Variants in COL4A3 observed in about 807,000 individuals in gnomAD.
COL4A3 encodes the protein collagen type IV alpha 3 chain, also known as collagen alpha-3(IV) chain.
Under a neutral mutation model 217.4 loss-of-function variants are expected in COL4A3, and 135 were observed. The ratio of observed to expected loss-of-function variants is 0.62; its 90% confidence interval spans 0.54 to 0.72. The LOEUF (loss-of-function observed/expected upper bound fraction) is 0.72. Ranked by LOEUF, COL4A3 falls within the 30% of genes least tolerant of loss-of-function variation. The pLI is 0.00. For synonymous variants in COL4A3, 690 were observed against 736.3 expected (o/e 0.94, Z 1.02); for missense variants, 1,868 against 2,119.9 (o/e 0.88, Z 2.33).
chr2:227,222,154 AATAATAATAATGATAATG>A lies in COL4A3; in HGVS notation c.88-15806_88-15789del, dbSNP rs1436951894. The stretch of plus-strand genomic sequence containing the variant: ...TAATAATAATAATAATAATAATAAT[AATAATAATAATGATAATG>A]ATAATAAAAAGCTCCTTAAGCACCC... On this transcript the variant is annotated intron_variant, in intron 1 of 51. Transcript: ENST00000396578. Among the ~76,000 whole-genome samples, 214 of 95,342 alleles carry A rather than the reference AATAATAATAATGATAATG, an allele frequency of 2.2e-3. 3 individuals are homozygous for A. The highest frequency in any genetic ancestry group is 7.1e-3 in the South Asian group (15 of 2,104). The allele number at this position is 95,342 out of a possible 152,430, so 62.5% of individuals were successfully genotyped here. A position where few individuals can be genotyped will look rare whatever the true frequency, so the allele number is the denominator to read the frequency against.
intron 47 of COL4A3, 39 bp from the exon 48 acceptor site, chr2:227,307,671 T>G (rs1477777538): frequency 6.5e-7 from 1 of 1,548,470 alleles, no homozygotes; most frequent in Non-Finnish European, 8.9e-7. Flanking sequence ...GTTTAAGATT[T>G]TTGTGTATGT....
At chr2:227,230,092 A>G (rs540163507) in intron 1 of COL4A3, among the ~76,000 whole-genome samples, 11 of 151,818 alleles carry the variant, frequency 7.2e-5, no homozygotes, top group African/African-American at 2.7e-4. Context: ...TCCAGTTTGT[A>G]GCTACAATGC....
intron 1 of COL4A3, among the ~76,000 whole-genome samples, chr2:227,169,497 A>C (rs1418641012): frequency 8.3e-4 from 125 of 151,470 alleles, no homozygotes; most frequent in African/African-American, 3.0e-3. Context: ...ACTAGTTTAC[A>C]GTCCCACCAA....
chr2:227,239,259 A>G (rs897468793), intron 2 of COL4A3, among the ~76,000 whole-genome samples: 1 of 152,184 alleles, frequency 6.6e-6, no homozygotes, highest in Non-Finnish European at 1.5e-5. Context: ...AAAATGCAGT[A>G]TAACAACCAT....
intron 1 of COL4A3, chr2:227,221,323 G>A (rs1009181569): frequency 5.3e-5 from 8 of 151,884 alleles, no homozygotes; most frequent in African/African-American, 1.9e-4. Context: ...CATCTCACTG[G>A]TACCCACAAT....
chr2:227,287,153 G>T (rs536258087), intron 34 of COL4A3, among the ~76,000 whole-genome samples: 4 of 152,156 alleles, frequency 2.6e-5, no homozygotes, highest in African/African-American at 7.2e-5. Context: ...TGTAAAAACC[G>T]CCAGGCGTGG....
intron 21 of COL4A3, among the ~76,000 whole-genome samples, chr2:227,264,278 GAGAAAGA>G (rs1203159459): frequency 1.3e-5 from 2 of 152,158 alleles, no homozygotes; most frequent in Admixed American, 1.3e-4. Flanking sequence ...TGTGCCAGGG[GAGAAAGA>G]GGCAAGAATT....
At chr2:227,293,055 T>C in intron 37 of COL4A3, 136 bp from the exon 38 acceptor site, 1 of 1,138,344 alleles carries the variant, frequency 8.8e-7, no homozygotes, top group Non-Finnish European at 1.3e-6. Context: ...CCAGCACCTA[T>C]CACAGTGCTG....
Position 227,293,384 on chromosome 2 carries a change from T to A in COL4A3, c.3337+67T>A, listed in dbSNP as rs752117197. ...TCAGAGTATAGCCCTCCTGAAATCA[T>A]TGTGGTAAACAGAAAGCTATTTATA... is the stretch of plus-strand genomic sequence containing the variant. On this transcript the variant is annotated intron_variant, in intron 38 of 51. Transcript: ENST00000396578. 4 of 1,560,100 alleles carry A rather than the reference T, an allele frequency of 2.6e-6. 1 individual carries two copies. In the South Asian group the frequency reaches 4.6e-5, roughly 18 times the overall value.
intron 1 of COL4A3, among the ~76,000 whole-genome samples, chr2:227,199,493 C>CTA (rs1189285073): frequency 6.6e-6 from 1 of 152,208 alleles, no homozygotes; most frequent in Non-Finnish European, 1.5e-5. Context: ...CTGGATCAAA[C>CTA]AGACCTAAGG....
intron 1 of COL4A3, among the ~76,000 whole-genome samples, chr2:227,180,585 G>A (rs963893021): frequency 1.8e-4 from 27 of 152,188 alleles, no homozygotes; most frequent in African/African-American, 6.3e-4. Flanking sequence ...CCTTCATCAT[G>A]GTCCAGAAGA....
intron 1 of COL4A3, among the ~76,000 whole-genome samples, chr2:227,175,150 A>G (rs6722825): frequency 0.05 from 7,545 of 152,136 alleles, 234 homozygotes; most frequent in Admixed American, 0.087. Flanking sequence ...GCCACACACT[A>G]CCAATTTTAC....
At chr2:227,265,549 G>A (rs1479361571) in intron 21 of COL4A3, 1 of 152,242 alleles carries the variant, frequency 6.6e-6, no homozygotes, top group Admixed American at 6.5e-5. Context: ...TGGAAGCTGA[G>A]AAGAGCTTTC....
rs373695524 is a variant in COL4A3, at chr2:227,290,859, T to C, written c.3183T>C (p.Gly1061=). The change falls in exon 37 of 52, where the codon GGT becomes GGC. Residue 1061 remains glycine, a synonymous_variant. Coordinates refer to ENST00000396578, the MANE Select transcript of COL4A3 (RefSeq NM_000091.5). The part of the protein sequence containing the change: ...GDKGEPGYSE[G]TRPGPPGPTG... Reference sequence around the variant, plus strand: ...AGGGAGAGCCAGGTTATTCAGAAGGTACAAGGCCAGGACCACCGGGACCAA... The same window carrying C: ...AGGGAGAGCCAGGTTATTCAGAAGGCACAAGGCCAGGACCACCGGGACCAA... 2.5e-6 allele frequency: 4 copies of C among 1,612,968 alleles called. No homozygotes were observed. Among genetic ancestry groups the C allele is most frequent in the Non-Finnish European group, 2.5e-6 (3 of 1,179,780 alleles).
intron 21 of COL4A3, among the ~76,000 whole-genome samples, chr2:227,264,213 G>C (rs758150505): frequency 8.5e-5 from 13 of 152,200 alleles, no homozygotes; most frequent in Non-Finnish European, 1.8e-4. Context: ...AGGATGGGTG[G>C]CTATCAAGTT....
chr2:227,302,929 A>G (rs1293021195), intron 43 of COL4A3, 109 bp from the exon 44 acceptor site: 1 of 732,064 alleles, frequency 1.4e-6, no homozygotes, highest in African/African-American at 1.7e-5. Context: ...ACTTCAGCTT[A>G]TTCTCACCCA....
chr2:227,296,943 G>A (rs1360509834), intron 41 of COL4A3, among the ~76,000 whole-genome samples: 1 of 152,192 alleles, frequency 6.6e-6, no homozygotes, highest in Admixed American at 6.5e-5. Flanking sequence ...GGAGAGCAGA[G>A]GGAGACATTA....
chr2:227,232,293 A>G (rs1269791489), intron 1 of COL4A3, among the ~76,000 whole-genome samples: 4 of 152,150 alleles, frequency 2.6e-5, no homozygotes, highest in Admixed American at 2.0e-4. Flanking sequence ...TTCACCTTTT[A>G]CCAAATCTTA....
intron 41 of COL4A3, among the ~76,000 whole-genome samples, chr2:227,297,282 CTGA>C: frequency 6.6e-6 from 1 of 152,192 alleles, no homozygotes; most frequent in East Asian, 1.9e-4. Context: ...AGTTAATCAG[CTGA>C]TAATAACTGG....
Sources: allele counts gnomAD v4.1 joint callset (sites outside exome capture counted in the v4.1 genomes callset), GRCh38; gene constraint gnomAD v4.1.1; transcripts MANE v1.5; gene names NCBI Gene and HGNC (gene_info 2026-07-23, HGNC 2026-07-21).